UNC79: variants seen among roughly 807,000 people sequenced by gnomAD.
UNC79 encodes the protein unc-79 subunit of NALCN channel complex.
A neutral mutation model predicts 283.1 loss-of-function variants in UNC79; 37 were observed. The observed-to-expected ratio is 0.13, with a 90% CI of 0.10 to 0.17. The LOEUF (loss-of-function observed/expected upper bound fraction) is 0.17, where lower values mean the gene tolerates loss of function less well. Ranked by LOEUF, UNC79 falls within the 10% of genes least tolerant of loss-of-function variation. UNC79 has a pLI of 1.00. For synonymous variants in UNC79, 1,107 were observed against 1,200.2 expected (o/e 0.92, Z 1.61); for missense variants, 2,272 against 3,211.1 (o/e 0.71, Z 7.07).
At chr14:93,653,835 G>A (rs764359792) in exon 36 of UNC79, 18 of 1,614,138 alleles carry the variant, frequency 1.1e-5, no homozygotes, top group Non-Finnish European at 1.5e-5. Flanking sequence ...TCCCGCAGCT[G>A]TTCCAAAGCA....
intron 47 of UNC79, among the ~76,000 whole-genome samples, chr14:93,697,438 A>G (rs990565308): frequency 6.6e-6 from 1 of 152,124 alleles, no homozygotes; most frequent in African/African-American, 2.4e-5. Flanking sequence ...GCCCGGCCAG[A>G]TCTCTGTCTA....
chr14:93,588,526 G>A (rs1214163931), intron 22 of UNC79, among the ~76,000 whole-genome samples: 1 of 152,026 alleles, frequency 6.6e-6, no homozygotes, highest in Non-Finnish European at 1.5e-5. Context: ...GGATCACGAG[G>A]TCAGGAGATC....
intron 7 of UNC79, among the ~76,000 whole-genome samples, chr14:93,514,748 G>T (rs1263545567): frequency 6.6e-6 from 1 of 152,078 alleles, no homozygotes; most frequent in Non-Finnish European, 1.5e-5. Flanking sequence ...ATTTTTCTAT[G>T]CTGCATTTTG....
At chr14:93,654,736 C>T (rs2070737761) in intron 37 of UNC79, among the ~76,000 whole-genome samples, 1 of 152,284 alleles carries the variant, frequency 6.6e-6, no homozygotes, top group East Asian at 1.9e-4. Flanking sequence ...TCAGCTAAGT[C>T]GTGACCTTGC....
chr14:93,603,260 A>G (rs1195011994), exon 26 of UNC79: 4 of 1,614,060 alleles, frequency 2.5e-6, no homozygotes, highest in East Asian at 2.2e-5. Flanking sequence ...GTGAGGACCA[A>G]TGTTGCTAAC....
rs530398398 is a variant in UNC79, at chr14:93,405,099, G to A, written c.-350-62572G>A. Among the ~76,000 whole-genome samples, 216 of 152,030 alleles carry A rather than the reference G, an allele frequency of 1.4e-3. 3 individuals are homozygous for A. The highest frequency in any genetic ancestry group is 5.0e-3 in the African/African-American group (207 of 41,514). On this transcript the variant is annotated intron_variant, in intron 1 of 49. Coordinates refer to the UNC79 transcript ENST00000256339. Reference sequence around the variant, plus strand: ...GTAGTTCGAGACCCGCCTGGCCAACGTGGTGAAACCCCTTCTCTACTAAAA... The same window carrying A: ...GTAGTTCGAGACCCGCCTGGCCAACATGGTGAAACCCCTTCTCTACTAAAA...
At chr14:93,539,978 C>T (rs1035890834) in intron 12 of UNC79, among the ~76,000 whole-genome samples, 2 of 152,176 alleles carry the variant, frequency 1.3e-5, no homozygotes, top group Non-Finnish European at 2.9e-5. Flanking sequence ...TATTTTTGTA[C>T]ATAGTGCTGT....
chr14:93,558,342 G>A (rs1230333213), intron 14 of UNC79, among the ~76,000 whole-genome samples: 1 of 152,098 alleles, frequency 6.6e-6, no homozygotes, highest in African/African-American at 2.4e-5. Context: ...AGATCATGAG[G>A]TCAGGAGATC....
rs543996029 is a variant in UNC79 at position 93,671,842 on chromosome 14, G to A, written c.6637-1509G>A. Among the ~76,000 whole-genome samples, 85 of 152,000 alleles carry A rather than the reference G, an allele frequency of 5.6e-4. 1 individual carries two copies. Among genetic ancestry groups the A allele is most frequent in the Non-Finnish European group, 1.2e-3 (82 of 67,986 alleles). ...CCCACTAAATAAATAATCCCTCTAA[G>A]TAAATAATCCCACTAAACAGTGGGC... On this transcript the variant is annotated intron_variant, in intron 40 of 48. Coordinates refer to ENST00000555664, the Ensembl canonical transcript of UNC79.
intron 26 of UNC79, among the ~76,000 whole-genome samples, chr14:93,610,701 C>T (rs1277721277): frequency 4.0e-5 from 6 of 151,474 alleles, no homozygotes; most frequent in Non-Finnish European, 8.8e-5. Context: ...GCTTCAACTT[C>T]CCAAGCTCAT....
upstream of UNC79, among the ~76,000 whole-genome samples, chr14:93,426,968 G>A (rs1303498233): frequency 6.6e-6 from 1 of 152,078 alleles, no homozygotes; most frequent in Non-Finnish European, 1.5e-5. Flanking sequence ...TGGAGACTCT[G>A]TATTCTGTTA....
chr14:93,681,262 A>C (rs1057511449), intron 41 of UNC79, among the ~76,000 whole-genome samples: 1 of 152,160 alleles, frequency 6.6e-6, no homozygotes, highest in Non-Finnish European at 1.5e-5. Context: ...TCTTGCCCCC[A>C]TTCAGTTACA....
chr14:93,643,598 A>C, exon 34 of UNC79: 1 of 1,613,908 alleles, frequency 6.2e-7, no homozygotes. Context: ...TACGATGAAG[A>C]GACACTTGGG....
chr14:93,361,875 C>G (rs2054234821), intron 1 of UNC79, among the ~76,000 whole-genome samples: 1 of 152,100 alleles, frequency 6.6e-6, no homozygotes, highest in African/African-American at 2.4e-5. Context: ...CCTTCAATAC[C>G]TAGTTTGTTG....
chr14:93,572,862 T>C, intron 16 of UNC79, 46 bp downstream of exon 16: 1 of 1,599,366 alleles, frequency 6.3e-7, no homozygotes, highest in Non-Finnish European at 8.5e-7. Context: ...AGTTCTTAGC[T>C]TATAAGCTTT....
chr14:93,370,632 C>CT, intron 1 of UNC79, among the ~76,000 whole-genome samples: 1 of 152,060 alleles, frequency 6.6e-6, no homozygotes, highest in African/African-American at 2.4e-5. Flanking sequence ...ATTAGCCAGA[C>CT]GTGGTGGTAC....
rs572497467 is a variant in UNC79 at position 93,483,780 on chromosome 14, AC to A, written c.620-3882del. 1.9e-3 allele frequency among the ~76,000 whole-genome samples: 286 copies of A among 151,568 alleles called. 2 individuals carry two copies. Among genetic ancestry groups the A allele is most frequent in the African/African-American group, 6.6e-3 (271 of 41,266 alleles). On this transcript the variant is annotated intron_variant, in intron 4 of 48. Coordinates refer to ENST00000555664, the Ensembl canonical transcript of UNC79. ...GTTCAATTCCCACCTATGAGTGAGAACATGCGGTGTTTGGTTTTCTGTCCTT... is the reference window on the plus strand; with the variant it reads ...GTTCAATTCCCACCTATGAGTGAGAAATGCGGTGTTTGGTTTTCTGTCCTT...
chr14:93,472,172 T>G (rs1456740609), intron 2 of UNC79, among the ~76,000 whole-genome samples: 1 of 152,192 alleles, frequency 6.6e-6, no homozygotes, highest in African/African-American at 2.4e-5. Flanking sequence ...TGGGAAATAA[T>G]ATCTCTGACT....
intron 1 of UNC79, among the ~76,000 whole-genome samples, chr14:93,378,069 T>C (rs2054596433): frequency 6.6e-6 from 1 of 152,244 alleles, no homozygotes; most frequent in African/African-American, 2.4e-5. Flanking sequence ...GAGTTAGGGA[T>C]AGAAAATAAG....
Sources: allele counts gnomAD v4.1 joint callset (sites outside exome capture counted in the v4.1 genomes callset), GRCh38; gene constraint gnomAD v4.1.1; transcripts MANE v1.5; gene names NCBI Gene and HGNC (gene_info 2026-07-23, HGNC 2026-07-21).